PXDNL: variants seen among roughly 807,000 people sequenced by gnomAD.
PXDNL encodes peroxidasin like.
PXDNL carries 145 observed loss-of-function variants against 150.8 expected under a neutral mutation model. The observed-to-expected ratio is 0.96, with a 90% CI of 0.84 to 1.10. The LOEUF is 1.10. Ranked by LOEUF, PXDNL falls within the 50% of genes least tolerant of loss-of-function variation. PXDNL has a pLI of 0.00. For synonymous variants in PXDNL, 757 were observed against 725.7 expected, an observed-to-expected ratio of 1.04 and a Z score of -0.69; for missense variants, 2,087 against 1,873.9, an observed-to-expected ratio of 1.11 and a Z score of -2.10.
chr8:51,763,402 GC>G (rs986040098), intron 1 of PXDNL, among the ~76,000 whole-genome samples: 5 of 150,394 alleles, frequency 3.3e-5, no homozygotes, highest in Non-Finnish European at 6.0e-5. Context: ...CCCCAGGCAA[GC>G]AAGCGCCAGA....
rs560490636 is a variant in PXDNL at position 51,409,589 on chromosome 8, G to A, written c.2063-28C>T. 7 of 1,530,170 alleles carry A rather than the reference G, an allele frequency of 4.6e-6. No homozygotes were observed. In the East Asian group the frequency reaches 1.5e-4, roughly 33 times the overall value. 94.8% of individuals were successfully genotyped at this position (1,530,170 alleles called of 1,614,324 possible). A position where few individuals can be genotyped will look rare whatever the true frequency, so the allele number is the denominator to read the frequency against. On this transcript the variant is annotated intron_variant, in intron 16 of 22. Transcript: ENST00000356297. ...GAAAGGCAAGCGGCGAAAGCCGTGA[G>A]GAGGGCGGGCCTGGGAGGGCGCGGG...
chr8:51,774,933 T>C (rs897137625), intron 1 of PXDNL, among the ~76,000 whole-genome samples: 3 of 152,242 alleles, frequency 2.0e-5, no homozygotes, highest in African/African-American at 4.8e-5. Context: ...AATCCTCAGA[T>C]ACATGATACA....
chr8:51,395,572 T>A (rs183077759), intron 17 of PXDNL, among the ~76,000 whole-genome samples: 4 of 152,274 alleles, frequency 2.6e-5, no homozygotes, highest in African/African-American at 7.2e-5. Context: ...CAATATTTTT[T>A]AAGTATATAT....
intron 1 of PXDNL, among the ~76,000 whole-genome samples, chr8:51,734,976 A>G (rs534875934): frequency 7.7e-4 from 118 of 152,366 alleles, no homozygotes; most frequent in African/African-American, 2.6e-3. Flanking sequence ...CAGGAGATCA[A>G]TTGTACAACA....
intron 8 of PXDNL, among the ~76,000 whole-genome samples, chr8:51,469,204 C>T (rs570073878): frequency 3.9e-5 from 6 of 151,990 alleles, no homozygotes; most frequent in Non-Finnish European, 8.8e-5. Context: ...TAAAGTTTAC[C>T]GCAAATATAA....
At chr8:51,636,655 A>C (rs142555386) in intron 2 of PXDNL, among the ~76,000 whole-genome samples, 293 of 152,334 alleles carry the variant, frequency 1.9e-3, no homozygotes, top group African/African-American at 6.7e-3. Context: ...TACATTAAAA[A>C]CTACAAACAT....
intron 5 of PXDNL, among the ~76,000 whole-genome samples, chr8:51,486,775 TATATATATATATA>T (rs1810755811): frequency 1.0e-3 from 10 of 10,010 alleles, no homozygotes; most frequent in Non-Finnish European, 2.7e-3. Flanking sequence ...TATATATATA[TATATATATATATA>T]TATATATTTT....
chr8:51,327,759 G>A (rs74440917), intron 21 of PXDNL, among the ~76,000 whole-genome samples: 4,795 of 152,248 alleles, frequency 0.031, 239 homozygotes, highest in African/African-American at 0.11. Context: ...TCCAGCATGT[G>A]GCAAGCTTGT....
intron 17 of PXDNL, among the ~76,000 whole-genome samples, chr8:51,379,416 G>T (rs752572260): frequency 2.6e-5 from 4 of 151,996 alleles, no homozygotes; most frequent in Non-Finnish European, 5.9e-5. Context: ...TTATGATTCT[G>T]GATCTTCCTA....
intron 1 of PXDNL, among the ~76,000 whole-genome samples, chr8:51,709,292 T>A (rs191862745): frequency 6.6e-6 from 1 of 152,206 alleles, no homozygotes; most frequent in Non-Finnish European, 1.5e-5. Context: ...TCTCACTCTG[T>A]TGCCCAGGCT....
In PXDNL at chr8:51,522,843, C is replaced by CAAAACA. The variant is rs1288545828; in HGVS notation, c.381-23079_381-23074dup. Among the ~76,000 whole-genome samples, 6 of 150,274 alleles carry CAAAACA rather than the reference C, an allele frequency of 4.0e-5. No individual in the cohort carries two copies. In the East Asian group the frequency reaches 5.8e-4, roughly 15 times the overall value. On this transcript the variant is annotated intron_variant, in intron 4 of 22. Coordinates refer to ENST00000356297, the MANE Select transcript of PXDNL (RefSeq NM_144651.5). ...TGGGCAACAAGAGTGAAATCCATCT[C>CAAAACA]AAAACAAAAACAAAAACAAAAAACA...
chr8:51,706,580 A>G (rs899996697), intron 1 of PXDNL, among the ~76,000 whole-genome samples: 1 of 152,176 alleles, frequency 6.6e-6, no homozygotes, highest in Non-Finnish European at 1.5e-5. Flanking sequence ...AATTTGAATT[A>G]TTTTTATGGT....
intron 2 of PXDNL, among the ~76,000 whole-genome samples, chr8:51,622,763 T>C (rs1427711492): frequency 2.0e-5 from 3 of 152,178 alleles, no homozygotes; most frequent in Non-Finnish European, 2.9e-5. Flanking sequence ...TACTAATTTA[T>C]TTCTAATGAT....
chr8:51,765,262 G>A (rs867954547), intron 1 of PXDNL, among the ~76,000 whole-genome samples: 2 of 152,090 alleles, frequency 1.3e-5, no homozygotes, highest in Admixed American at 1.3e-4. Flanking sequence ...CTGTTCTCGT[G>A]GTAGTTAATA....
intron 4 of PXDNL, among the ~76,000 whole-genome samples, chr8:51,550,679 C>T (rs1585572255): frequency 6.6e-6 from 1 of 152,178 alleles, no homozygotes; most frequent in East Asian, 1.9e-4. Context: ...AAGGGAAATA[C>T]CCTAAGGTAA....
chr8:51,782,592 A>G (rs2037425605), intron 1 of PXDNL, among the ~76,000 whole-genome samples: 1 of 152,226 alleles, frequency 6.6e-6, no homozygotes, highest in Non-Finnish European at 1.5e-5. Flanking sequence ...GTTCCACACA[A>G]GAATACTTAC....
Position 51,475,140 on chromosome 8 carries a change from G to A in PXDNL, c.526C>T (p.Arg176Cys), listed in dbSNP as rs200643962. ...FSNLDSLKRL[R>C]LDSNALVCDC... is the part of the protein sequence containing the mutation. ...CAAACCAGGGCGTTGGAATCCAGAC[G>A]CCTAGGCATGCAGGCAAGAAGTACA... The change falls in exon 7 of 23, where the codon CGT becomes TGT. Residue 176 changes from arginine (R) to cysteine (C), a missense_variant and splice_region_variant. By Grantham distance (180) the Arg-to-Cys change is radical (BLOSUM62 -3). Coordinates refer to ENST00000356297, the MANE Select transcript of PXDNL (RefSeq NM_144651.5). 6.8e-6 allele frequency: 11 copies of A among 1,610,782 alleles called. No individual in the cohort carries two copies. The highest frequency in any genetic ancestry group is 5.3e-5 in the African/African-American group (4 of 74,814).
chr8:51,699,112 C>A (rs1258705064), intron 1 of PXDNL, among the ~76,000 whole-genome samples: 1 of 152,142 alleles, frequency 6.6e-6, no homozygotes, highest in Non-Finnish European at 1.5e-5. Flanking sequence ...GTGGCTTCAA[C>A]TTAAAGTCAC....
intron 1 of PXDNL, among the ~76,000 whole-genome samples, chr8:51,695,451 G>A (rs118181913): frequency 6.6e-6 from 1 of 152,112 alleles, no homozygotes; most frequent in East Asian, 1.9e-4. Context: ...ACAGATCAGA[G>A]CAGTAAATTC....
Sources: allele counts gnomAD v4.1 joint callset (sites outside exome capture counted in the v4.1 genomes callset), GRCh38; gene constraint gnomAD v4.1.1; transcripts MANE v1.5; gene names NCBI Gene and HGNC (gene_info 2026-07-23, HGNC 2026-07-21).